HHAT: variants seen among roughly 807,000 people sequenced by gnomAD.
HHAT encodes hedgehog acyltransferase, also known as protein-cysteine N-palmitoyltransferase HHAT.
Under a neutral mutation model 70.8 loss-of-function variants are expected in HHAT, and 47 were observed. The ratio of observed to expected loss-of-function variants is 0.66; its 90% CI spans 0.53 to 0.85. The LOEUF (loss-of-function observed/expected upper bound fraction) is 0.85. Ranked by LOEUF, HHAT falls within the 40% of genes least tolerant of loss-of-function variation. The pLI, the probability that HHAT is intolerant of heterozygous loss-of-function variation, is 0.00. For missense variants in HHAT, 609 were observed against 604.8 expected, an observed-to-expected ratio of 1.01 and a Z score of -0.07; for synonymous variants, 228 against 247.6, an observed-to-expected ratio of 0.92 and a Z score of 0.74.
intron 10 of HHAT, among the ~76,000 whole-genome samples, chr1:210,591,857 T>C (rs1661788025): frequency 6.6e-6 from 1 of 152,188 alleles, no homozygotes; most frequent in Non-Finnish European, 1.5e-5. Context: ...TTCAGATCTT[T>C]GCCCATTTCT....
chr1:210,427,598 T>C (rs1056455915), intron 7 of HHAT, among the ~76,000 whole-genome samples: 3 of 152,204 alleles, frequency 2.0e-5, no homozygotes, highest in African/African-American at 7.2e-5. Context: ...TCAATTTCCA[T>C]GTAATTATAT....
At chr1:210,626,788 G>A (rs937278480) in intron 11 of HHAT, among the ~76,000 whole-genome samples, 4 of 152,118 alleles carry the variant, frequency 2.6e-5, no homozygotes, top group Non-Finnish European at 4.4e-5. Context: ...AGTCTCTGCT[G>A]GGGGTGTTCA....
At chr1:210,610,730 A>G (rs914853919) in intron 10 of HHAT, among the ~76,000 whole-genome samples, 6 of 152,176 alleles carry the variant, frequency 3.9e-5, no homozygotes, top group African/African-American at 1.4e-4. Context: ...TTTTCTGCAT[A>G]TGGCTAGCCA....
chr1:210,614,263 A>G (rs1667202957), intron 10 of HHAT, among the ~76,000 whole-genome samples: 1 of 151,872 alleles, frequency 6.6e-6, no homozygotes, highest in Non-Finnish European at 1.5e-5. Context: ...TTGCACATTG[A>G]TTTTTGTATC....
chr1:210,365,309 G>GT (rs4027290), intron 3 of HHAT, among the ~76,000 whole-genome samples: 2,943 of 78,054 alleles, frequency 0.038, 466 homozygotes, highest in South Asian at 0.064. Context: ...ACTGCTGACA[G>GT]TTTTTTTTTT....
chr1:210,395,237 A>G (rs956509296), intron 4 of HHAT, among the ~76,000 whole-genome samples: 2 of 152,174 alleles, frequency 1.3e-5, no homozygotes, highest in African/African-American at 2.4e-5. Context: ...CTACAGAGGT[A>G]AACTCTAAGG....
chr1:210,626,227 A>T (rs1669805138), intron 11 of HHAT, among the ~76,000 whole-genome samples: 1 of 152,196 alleles, frequency 6.6e-6, no homozygotes, highest in Non-Finnish European at 1.5e-5. Flanking sequence ...CAGGAAGATC[A>T]AAGTGTGACT....
In HHAT at chr1:210,345,851, C is replaced by T. The variant is rs576433638; in HGVS notation, c.-43-3082C>T. 1.9e-4 allele frequency among the ~76,000 whole-genome samples: 29 copies of T among 152,130 alleles called. No individual in the cohort carries two copies. The South Asian group carries it at 3.3e-3, about 17-fold the overall frequency. On this transcript the variant is annotated intron_variant, in intron 1 of 11. Coordinates refer to ENST00000261458, the MANE Select transcript of HHAT (RefSeq NM_018194.6). Reference sequence around the variant, plus strand: ...GTAATCCTAGCACTTTGGGAGGCCACGGTGGGCGGATCTCCTGAGCTTAGG... The same window carrying T: ...GTAATCCTAGCACTTTGGGAGGCCATGGTGGGCGGATCTCCTGAGCTTAGG...
At chr1:210,515,915 C>T (rs1316442603) in intron 9 of HHAT, among the ~76,000 whole-genome samples, 1 of 151,726 alleles carries the variant, frequency 6.6e-6, no homozygotes, top group Non-Finnish European at 1.5e-5. Flanking sequence ...ACTAAAAATA[C>T]AAAAATTAGC....
intron 9 of HHAT, among the ~76,000 whole-genome samples, chr1:210,572,400 G>C (rs556004562): frequency 1.3e-5 from 2 of 152,160 alleles, no homozygotes; most frequent in South Asian, 2.1e-4. Flanking sequence ...TCAGTGTTTT[G>C]TGAGGGGTAC....
intron 6 of HHAT, among the ~76,000 whole-genome samples, chr1:210,406,960 G>A (rs1182228703): frequency 6.6e-6 from 1 of 152,102 alleles, no homozygotes; most frequent in Non-Finnish European, 1.5e-5. Context: ...GCTGACAGCA[G>A]GGAACTTGAA....
At chr1:210,578,414 T>C (rs569624238) in intron 9 of HHAT, among the ~76,000 whole-genome samples, 49 of 152,286 alleles carry the variant, frequency 3.2e-4, no homozygotes, top group African/African-American at 1.2e-3. Flanking sequence ...GAAAACAGTA[T>C]GGAGATTCCT....
Position 210,542,555 on chromosome 1 carries a change from C to T in HHAT, c.1043+29367C>T, listed in dbSNP as rs887203726. Among the ~76,000 whole-genome samples the T allele has an allele frequency of 5.3e-5, 8 of 151,586 alleles. No individual in the cohort carries two copies. The East Asian group carries it at 7.8e-4, about 15-fold the overall frequency. ...GCTTGCCCCTGTAATCCCAGCACTT[C>T]GGGAGGCTGAGTTGGGAGGATTGCT... is the stretch of plus-strand genomic sequence containing the variant. On this transcript the variant is annotated intron_variant, in intron 9 of 11. Transcript: ENST00000261458.
At position 210,674,298 on chromosome 1, in the gene HHAT, G is replaced by T; in HGVS notation, c.1401G>T (p.Trp467Cys). ...WNRIFIQGWPWVTLSVLGFLY... is the reference protein window; with the variant it reads ...WNRIFIQGWPCVTLSVLGFLY... The stretch of plus-strand genomic sequence containing the variant: ...GTCCTCCCTCTGCAGGCTGGCCTTG[G>T]GTGACCCTCTCTGTCCTGGGATTCC... Residue 467 changes from tryptophan (W) to cysteine (C), a missense_variant, in exon 12 of 12, where the codon TGG becomes TGT. Trp to Cys is a radical substitution (Grantham distance 215). Transcript: ENST00000261458. 1.9e-6 allele frequency: 3 copies of T among 1,614,006 alleles called. No homozygotes were observed. The highest frequency in any genetic ancestry group is 2.5e-6 in the Non-Finnish European group (3 of 1,179,880).
At chr1:210,547,964 G>C (rs1380824329) in intron 9 of HHAT, among the ~76,000 whole-genome samples, 1 of 152,162 alleles carries the variant, frequency 6.6e-6, no homozygotes, top group Admixed American at 6.5e-5. Flanking sequence ...TTTCATGTAG[G>C]GTGGGTATAA....
At chr1:210,389,660 G>T (rs2091321865) in intron 4 of HHAT, among the ~76,000 whole-genome samples, 1 of 152,230 alleles carries the variant, frequency 6.6e-6, no homozygotes, top group South Asian at 2.1e-4. Context: ...TGGCATGATT[G>T]TAAGTTTCCT....
chr1:210,592,439 G>T (rs572523226), intron 10 of HHAT, among the ~76,000 whole-genome samples: 7 of 152,058 alleles, frequency 4.6e-5, no homozygotes, highest in African/African-American at 1.7e-4. Flanking sequence ...CTAGAGCTTT[G>T]TCGTATATTT....
chr1:210,367,208 T>G (rs1278562294), intron 3 of HHAT, among the ~76,000 whole-genome samples: 1 of 152,240 alleles, frequency 6.6e-6, no homozygotes, highest in Admixed American at 6.5e-5. Flanking sequence ...AGAATTTTAT[T>G]TGATGTTGTC....
chr1:210,537,429 T>C (rs1276725523), intron 9 of HHAT, among the ~76,000 whole-genome samples: 1 of 152,198 alleles, frequency 6.6e-6, no homozygotes, highest in Non-Finnish European at 1.5e-5. Flanking sequence ...CTCTTCTCAC[T>C]TCATAGACAC....
Sources: gnomAD v4.1 joint callset for allele counts (sites outside exome capture counted in the v4.1 genomes callset) on GRCh38, gnomAD v4.1.1 for gene constraint, MANE v1.5 for transcripts, NCBI Gene and HGNC (gene_info 2026-07-23, HGNC 2026-07-21) for gene names.